Variants in AJAP1 observed in about 807,000 individuals in gnomAD.
AJAP1 encodes the protein adherens junctions associated protein 1.
Under a neutral mutation model 35.0 loss-of-function variants are expected in AJAP1, and 5 were observed. The ratio of observed to expected loss-of-function variants is 0.14; its 90% CI spans 0.07 to 0.30. The LOEUF (loss-of-function observed/expected upper bound fraction) is 0.30. Ranked by LOEUF, AJAP1 falls within the 10% of genes least tolerant of loss-of-function variation. The pLI, the probability that AJAP1 is intolerant of heterozygous loss-of-function variation, is 1.00. For missense variants in AJAP1, 586 were observed against 571.0 expected (o/e 1.03, Z -0.27); for synonymous variants, 284 against 249.3 (o/e 1.14, Z -1.31).
intron 2 of AJAP1, among the ~76,000 whole-genome samples, chr1:4,745,710 CAG>C (rs1417939500): frequency 1.3e-5 from 2 of 152,184 alleles, no homozygotes; most frequent in Non-Finnish European, 2.9e-5. Context: ...GGCTTTGAGT[CAG>C]AGTCAGCAGG....
intron 1 of AJAP1, among the ~76,000 whole-genome samples, chr1:4,658,281 C>A (rs1325984524): frequency 1.3e-5 from 2 of 152,146 alleles, no homozygotes; most frequent in African/African-American, 2.4e-5. Flanking sequence ...GGTTCTGGGG[C>A]CCCTTTTGTT....
At chr1:4,697,138 G>A (rs72638803) in intron 1 of AJAP1, among the ~76,000 whole-genome samples, 14,963 of 152,222 alleles carry the variant, frequency 0.098, 848 homozygotes, top group African/African-American at 0.15. Context: ...CAGATGTGTG[G>A]CTGTATTCTG....
Position 4,712,619 on chromosome 1 carries a change from T to A in AJAP1, c.749T>A (p.Val250Asp). Reference protein sequence around the residue: ...LDPRRRIPGGVSTTEPSTSPS... With the variant: ...LDPRRRIPGGDSTTEPSTSPS... ...CCCCGGAGAAGGATCCCAGGTGGGG[T>A]TAGCACAACGGAGCCTTCCACCAGT... Residue 250 changes from valine (V) to aspartate (D), a missense_variant, in exon 2 of 6, where the codon GTT becomes GAT. Coordinates refer to ENST00000378191, the MANE Select transcript of AJAP1 (RefSeq NM_018836.4). 1 of 1,590,668 alleles carries A rather than the reference T, an allele frequency of 6.3e-7. No individual in the cohort carries two copies. The highest frequency in any genetic ancestry group is 8.6e-7 in the Non-Finnish European group (1 of 1,165,130).
In AJAP1 at chr1:4,787,799, T is replaced by G; in HGVS notation, c.*5314T>G. On this transcript the variant is annotated 3_prime_UTR_variant, in exon 6 of 6. Transcript: ENST00000378191. The stretch of plus-strand genomic sequence containing the variant: ...ACTTGGCCCACGGGGCACGGGCACC[T>G]TGGGGATGCCATTCTTCTTGGTGCC... 1 of 453,864 alleles carries G rather than the reference T, an allele frequency of 2.2e-6. No homozygotes were observed. The highest frequency in any genetic ancestry group is 1.6e-5 in the South Asian group (1 of 64,290). 28.1% of individuals were successfully genotyped at this position (453,864 alleles called of 1,614,324 possible). A position where few individuals can be genotyped will look rare whatever the true frequency, so the allele number is the denominator to read the frequency against.
intron 1 of AJAP1, among the ~76,000 whole-genome samples, chr1:4,690,802 A>T (rs1639722068): frequency 6.6e-6 from 1 of 152,116 alleles, no homozygotes; most frequent in Non-Finnish European, 1.5e-5. Context: ...GCCAGGAGGG[A>T]AGCCTCCACT....
At position 4,769,232 on chromosome 1, in the gene AJAP1, C is replaced by A. The variant is rs576021625; in HGVS notation, c.830-621C>A. Among the ~76,000 whole-genome samples the A allele has an allele frequency of 3.3e-5, 5 of 152,288 alleles. No homozygotes were observed. The South Asian group carries it at 8.3e-4, about 25-fold the overall frequency. ...TGGCCTGAAACTTTCATTCCTGGAA[C>A]CTTGTGAAGCAGTGAACTTCTTAGC... On this transcript the variant is annotated intron_variant, in intron 2 of 5. Transcript: ENST00000378191.
rs1212100269 is a variant in AJAP1, at chr1:4,692,868, C to G, written c.30-19032C>G. Among the ~76,000 whole-genome samples the G allele has an allele frequency of 6.6e-6, 1 of 152,244 alleles. No homozygotes were observed. Among genetic ancestry groups the G allele is most frequent in the Non-Finnish European group, 1.5e-5 (1 of 68,042 alleles). ...CATTAAGTGCACATTTTTCCAAGCT[C>G]AGCCCTGTGCTCTGTGCTGGAACTG... is the stretch of plus-strand genomic sequence containing the variant. On this transcript the variant is annotated intron_variant, in intron 1 of 5. Transcript: ENST00000378191. The surrounding 1 kb of genome is among the most constrained non-coding windows in gnomAD (Gnocchi z 4.4).
chr1:4,773,688 G>A (rs1158177284), intron 4 of AJAP1, among the ~76,000 whole-genome samples: 1 of 152,202 alleles, frequency 6.6e-6, no homozygotes, highest in African/African-American at 2.4e-5. Flanking sequence ...CAAATAACCG[G>A]CTAACAGATT....
At chr1:4,763,702 T>C (rs1641620622) in intron 2 of AJAP1, among the ~76,000 whole-genome samples, 1 of 151,582 alleles carries the variant, frequency 6.6e-6, no homozygotes, top group Non-Finnish European at 1.5e-5. Flanking sequence ...CAAATTCTCT[T>C]CTCTCCCTCT....
intron 2 of AJAP1, among the ~76,000 whole-genome samples, chr1:4,741,471 C>G (rs1317471838): frequency 6.6e-6 from 1 of 152,180 alleles, no homozygotes; most frequent in Non-Finnish European, 1.5e-5. Context: ...TGTGGGTCCT[C>G]TCTGTCTTAC....
At chr1:4,691,671 A>C (rs1437660667) in intron 1 of AJAP1, among the ~76,000 whole-genome samples, 1 of 151,704 alleles carries the variant, frequency 6.6e-6, no homozygotes, top group Non-Finnish European at 1.5e-5. Flanking sequence ...CCACCCGCTG[A>C]CTCCAGGAGT....
chr1:4,728,458 C>CGGGTTTG (rs1640721513), intron 2 of AJAP1, among the ~76,000 whole-genome samples: 1 of 152,190 alleles, frequency 6.6e-6, no homozygotes, highest in South Asian at 2.1e-4. Flanking sequence ...CACCCAGCCC[C>CGGGTTTG]GGGTTTGGGG....
chr1:4,666,966 A>G (rs12137092), intron 1 of AJAP1, among the ~76,000 whole-genome samples: 87,853 of 137,846 alleles, frequency 0.64, 28,384 homozygotes, highest in African/African-American at 0.77. Flanking sequence ...GAGGGGTTGC[A>G]GAGAGGAGCC....
intron 1 of AJAP1, among the ~76,000 whole-genome samples, chr1:4,676,579 G>A (rs942891215): frequency 6.6e-6 from 1 of 152,174 alleles, no homozygotes; most frequent in Non-Finnish European, 1.5e-5. Flanking sequence ...GAGAGGGGCC[G>A]TTCCTTGGGA....
intron 1 of AJAP1, among the ~76,000 whole-genome samples, chr1:4,679,920 C>T (rs1225814207): frequency 6.6e-6 from 1 of 151,654 alleles, no homozygotes; most frequent in Non-Finnish European, 1.5e-5. Context: ...AGATCTGCAG[C>T]CAGCCAGCTG....
At chr1:4,771,492 G>T (rs1641835405) in intron 3 of AJAP1, among the ~76,000 whole-genome samples, 1 of 152,182 alleles carries the variant, frequency 6.6e-6, no homozygotes, top group African/African-American at 2.4e-5. Flanking sequence ...GACGTCCTCA[G>T]CTCCCCATGC....
At chr1:4,707,997 C>G (rs1640139338) in intron 1 of AJAP1, among the ~76,000 whole-genome samples, 1 of 141,696 alleles carries the variant, frequency 7.1e-6, no homozygotes, top group Non-Finnish European at 1.5e-5. Flanking sequence ...GAGACGCAGT[C>G]TCACTCCATC....
At chr1:4,688,248 G>A (rs1639653560) in intron 1 of AJAP1, among the ~76,000 whole-genome samples, 1 of 152,156 alleles carries the variant, frequency 6.6e-6, no homozygotes, top group Non-Finnish European at 1.5e-5. Flanking sequence ...GCATGCGGGG[G>A]GAGTGGGGAC....
chr1:4,716,482 G>A (rs4654596), intron 2 of AJAP1, among the ~76,000 whole-genome samples: 123,052 of 152,168 alleles, frequency 0.81, 50,111 homozygotes, highest in East Asian at 1. Context: ...TGCTGTTAGT[G>A]TAAGGGTGGT....
Sources: gnomAD v4.1 joint callset for allele counts (sites outside exome capture counted in the v4.1 genomes callset) on GRCh38, gnomAD v4.1.1 for gene constraint, Gnocchi (gnomAD v3.1) non-coding constraint, MANE v1.5 for transcripts, NCBI Gene and HGNC (gene_info 2026-07-23, HGNC 2026-07-21) for gene names.